Variants in CEP83 observed in about 807,000 individuals in gnomAD.
CEP83 encodes centrosomal protein 83.
Under a neutral mutation model 101.9 loss-of-function variants are expected in CEP83, and 70 were observed. That is an observed-to-expected ratio of 0.69 (90% CI 0.57 to 0.84). The LOEUF (loss-of-function observed/expected upper bound fraction) is 0.84. Among genes scored for constraint, CEP83 ranks in the 40% least tolerant of loss-of-function variants. The pLI, the probability that CEP83 is intolerant of heterozygous loss-of-function variation, is 0.00. For synonymous variants in CEP83, 264 were observed against 267.9 expected, an observed-to-expected ratio of 0.99 and a Z score of 0.14; for missense variants, 715 against 787.2, an observed-to-expected ratio of 0.91 and a Z score of 1.10.
intron 6 of CEP83, among the ~76,000 whole-genome samples, chr12:94,397,453 G>A (rs997670029): frequency 6.6e-6 from 1 of 152,066 alleles, no homozygotes; most frequent in Non-Finnish European, 1.5e-5. Context: ...AGCCGAGATT[G>A]CATCACTGCA....
chr12:94,335,794 C>A, intron 11 of CEP83, 130 bp from the exon 12 acceptor site: 2 of 653,342 alleles, frequency 3.1e-6, no homozygotes, highest in South Asian at 1.8e-5. Flanking sequence ...ATTGAGACTT[C>A]AAGAAACTAG....
chr12:94,285,551 G>A, the CEP83 span, among the ~76,000 whole-genome samples: 2 of 152,148 alleles, frequency 1.3e-5, no homozygotes, highest in South Asian at 4.1e-4. Context: ...AAGAGCAGTC[G>A]TTCTTAGCTT....
At chr12:94,298,451 G>A in the CEP83 span, among the ~76,000 whole-genome samples, 4 of 152,162 alleles carry the variant, frequency 2.6e-5, no homozygotes, top group Admixed American at 2.6e-4. Context: ...GGATTTTCAA[G>A]ACTTTTGACC....
At chr12:94,331,926 C>T in intron 13 of CEP83, 97 bp from the exon 14 acceptor site, 3 of 1,117,584 alleles carry the variant, frequency 2.7e-6, no homozygotes, top group Admixed American at 2.0e-5. Flanking sequence ...ACCTGTCTGA[C>T]CACATTCTTA....
the CEP83 span, chr12:94,282,450 GT>G: frequency 8.3e-7 from 1 of 1,209,792 alleles, no homozygotes. Context: ...CCCAATCCTA[GT>G]CCCATGGACA....
chr12:94,316,886 T>C (rs550165708), intron 14 of CEP83, among the ~76,000 whole-genome samples: 272 of 152,256 alleles, frequency 1.8e-3, no homozygotes, highest in Non-Finnish European at 2.6e-3. Flanking sequence ...GCAATGAACA[T>C]ATGCATGTGT....
In CEP83 at chr12:94,308,760, T is replaced by C. The variant is rs1969358189; in HGVS notation, c.*53A>G. The C allele has an allele frequency of 1.6e-6, 2 of 1,234,982 alleles. No homozygotes were observed. The highest frequency in any genetic ancestry group is 1.2e-6 in the Non-Finnish European group (1 of 839,990). The allele number at this position is 1,234,982 out of a possible 1,614,324, so 76.5% of individuals were successfully genotyped here. A position where few individuals can be genotyped will look rare whatever the true frequency, so the allele number is the denominator to read the frequency against. ...AAATGCCACAGGTTAAAATGTCAAGTTTTACTGAGTCACCAACTTCACCTC... is the reference window on the plus strand; with the variant it reads ...AAATGCCACAGGTTAAAATGTCAAGCTTTACTGAGTCACCAACTTCACCTC... On this transcript the variant is annotated 3_prime_UTR_variant, in exon 17 of 17. Coordinates refer to ENST00000397809, the MANE Select transcript of CEP83 (RefSeq NM_016122.3).
At chr12:94,413,825 TACACACACACAC>T (rs56372938) in intron 2 of CEP83, among the ~76,000 whole-genome samples, 81 of 140,462 alleles carry the variant, frequency 5.8e-4, no homozygotes, top group South Asian at 2.8e-3. Flanking sequence ...CCATAATACA[TACACACACACAC>T]ACACACACAC....
At chr12:94,440,865 G>A (rs1468410723) in intron 1 of CEP83, among the ~76,000 whole-genome samples, 1 of 152,138 alleles carries the variant, frequency 6.6e-6, no homozygotes, top group Admixed American at 6.5e-5. Context: ...AGAGAACCCA[G>A]AAACAAAGCC....
In CEP83 at chr12:94,348,934, A is replaced by G. The variant is rs959950426; in HGVS notation, c.1344-13270T>C. Reference sequence around the variant, plus strand: ...GACTATGACTTCTTTAAGCATCTCAACAACTTTTTGCAGGGAAAATGCTTC... The same window carrying G: ...GACTATGACTTCTTTAAGCATCTCAGCAACTTTTTGCAGGGAAAATGCTTC... On this transcript the variant is annotated intron_variant, in intron 11 of 16. Coordinates refer to ENST00000397809, the MANE Select transcript of CEP83 (RefSeq NM_016122.3). Among the ~76,000 whole-genome samples the G allele has an allele frequency of 2.4e-4, 36 of 151,972 alleles. 2 individuals are homozygous for G. The highest frequency in any genetic ancestry group is 2.1e-3 in the Admixed American group (32 of 15,256).
intron 6 of CEP83, 38 bp downstream of exon 6, chr12:94,400,812 G>A: frequency 7.8e-7 from 1 of 1,279,844 alleles, no homozygotes; most frequent in Non-Finnish European, 1.0e-6. Context: ...GTGTTGACCA[G>A]AACAATAACA....
intron 1 of CEP83, among the ~76,000 whole-genome samples, chr12:94,448,399 A>T (rs1451188437): frequency 6.6e-6 from 1 of 152,198 alleles, no homozygotes; most frequent in African/African-American, 2.4e-5. Flanking sequence ...GAAAATCTGC[A>T]AGGATATAGA....
chr12:94,318,713 TTTA>T (rs1971114180), intron 14 of CEP83, among the ~76,000 whole-genome samples: 1 of 152,226 alleles, frequency 6.6e-6, no homozygotes. Context: ...ATGAATCACA[TTTA>T]TTGATTTGCA....
At chr12:94,390,706 T>C (rs139257786) in intron 6 of CEP83, among the ~76,000 whole-genome samples, 3,963 of 152,246 alleles carry the variant, frequency 0.026, 189 homozygotes, top group African/African-American at 0.091. Flanking sequence ...TTCGAACCCA[T>C]CGCAAGGAAG....
At chr12:94,444,081 T>C (rs369812369) in intron 1 of CEP83, among the ~76,000 whole-genome samples, 1 of 151,106 alleles carries the variant, frequency 6.6e-6, no homozygotes, top group Non-Finnish European at 1.5e-5. Flanking sequence ...CAATTATGCA[T>C]GCGTTATAGT....
At chr12:94,325,797 T>C (rs150856407) in intron 14 of CEP83, among the ~76,000 whole-genome samples, 161 of 152,292 alleles carry the variant, frequency 1.1e-3, no homozygotes, top group African/African-American at 3.7e-3. Flanking sequence ...TGAGTTCTTA[T>C]TTTAGGTTGA....
chr12:94,416,573 C>CAA (rs59339712), intron 2 of CEP83, among the ~76,000 whole-genome samples: 24 of 148,058 alleles, frequency 1.6e-4, no homozygotes, highest in African/African-American at 5.0e-4. Context: ...CACACACACA[C>CAA]AAAAAAAAAA....
At chr12:94,267,388 G>A in the CEP83 span, among the ~76,000 whole-genome samples, 1 of 152,058 alleles carries the variant, frequency 6.6e-6, no homozygotes, top group Non-Finnish European at 1.5e-5. Context: ...AAGACCATGT[G>A]TTTCTGATTT....
intron 2 of CEP83, among the ~76,000 whole-genome samples, chr12:94,430,989 G>C (rs1256705586): frequency 6.6e-6 from 1 of 152,152 alleles, no homozygotes; most frequent in East Asian, 1.9e-4. Flanking sequence ...GTTAAAACAG[G>C]CTTTAAGTCA....
Sources: gnomAD v4.1 joint callset for allele counts (sites outside exome capture counted in the v4.1 genomes callset) on GRCh38, gnomAD v4.1.1 for gene constraint, MANE v1.5 for transcripts, NCBI Gene and HGNC (gene_info 2026-07-23, HGNC 2026-07-21) for gene names.